Variants in OPCML observed in about 807,000 individuals in gnomAD.
OPCML encodes the protein opioid binding protein/cell adhesion molecule like.
Under a neutral mutation model 37.8 loss-of-function variants are expected in OPCML, and 13 were observed. That is an observed-to-expected ratio of 0.34 (90% CI 0.22 to 0.55). OPCML has a LOEUF of 0.55. Among genes scored for constraint, OPCML ranks in the 20% least tolerant of loss-of-function variants. The pLI is 0.91. For missense variants in OPCML, 341 were observed against 435.6 expected, an observed-to-expected ratio of 0.78 and a Z score of 1.93; for synonymous variants, 176 against 168.8, an observed-to-expected ratio of 1.04 and a Z score of -0.33.
At chr11:133,221,422 T>C (rs757174115) in intron 1 of OPCML, among the ~76,000 whole-genome samples, 1 of 152,226 alleles carries the variant, frequency 6.6e-6, no homozygotes, top group Non-Finnish European at 1.5e-5. Context: ...CAGTTTCCTC[T>C]TTCGTAACGT....
At chr11:132,586,941 G>T (rs1056006958) in intron 3 of OPCML, among the ~76,000 whole-genome samples, 2 of 152,186 alleles carry the variant, frequency 1.3e-5, no homozygotes, top group Admixed American at 1.3e-4. Flanking sequence ...CCCTCTGCAG[G>T]CTCTGGAGGC....
chr11:133,001,265 C>G (rs555346070), intron 1 of OPCML, among the ~76,000 whole-genome samples: 6 of 152,154 alleles, frequency 3.9e-5, no homozygotes, highest in Non-Finnish European at 7.3e-5. Flanking sequence ...TACCCACATG[C>G]CTACATGCAT....
At chr11:133,009,069 C>T (rs1591906654) in intron 1 of OPCML, 1 of 985,338 alleles carries the variant, frequency 1.0e-6, no homozygotes, top group Non-Finnish European at 1.2e-6. Flanking sequence ...TTACTTAAGT[C>T]TACATGTATG....
chr11:132,712,934 G>A (rs1430465309), intron 2 of OPCML, among the ~76,000 whole-genome samples: 1 of 152,210 alleles, frequency 6.6e-6, no homozygotes, highest in Non-Finnish European at 1.5e-5. Context: ...ACTGGAGCAG[G>A]CGATGCTCAG....
At chr11:133,012,839 C>G (rs921407911) in intron 1 of OPCML, among the ~76,000 whole-genome samples, 2 of 139,768 alleles carry the variant, frequency 1.4e-5, no homozygotes, top group South Asian at 4.4e-4. Flanking sequence ...CATTGCACTC[C>G]AGCCTAGGCA....
chr11:132,626,812 TTCTCTCTCTCTCTCTCTC>T (rs375135656), intron 3 of OPCML, among the ~76,000 whole-genome samples: 52 of 147,218 alleles, frequency 3.5e-4, no homozygotes, highest in Non-Finnish European at 6.3e-4. Flanking sequence ...AAAGGGAAGT[TTCTCTCTCTCTCTCTCTC>T]TCTCTCTCTC....
intron 1 of OPCML, among the ~76,000 whole-genome samples, chr11:133,132,309 C>T (rs1949617604): frequency 6.6e-6 from 1 of 152,254 alleles, no homozygotes; most frequent in East Asian, 1.9e-4. Context: ...CAGGGAAATG[C>T]AAATTAAGAC....
At chr11:132,462,270 C>G (rs2096104988) in intron 4 of OPCML, among the ~76,000 whole-genome samples, 2 of 152,148 alleles carry the variant, frequency 1.3e-5, no homozygotes, top group Admixed American at 1.3e-4. Context: ...ATTCAGTGTT[C>G]TGTGTTGACT....
At chr11:133,097,342 T>C (rs2137064417) in intron 1 of OPCML, among the ~76,000 whole-genome samples, 1 of 152,266 alleles carries the variant, frequency 6.6e-6, no homozygotes, top group Middle Eastern at 3.4e-3. Flanking sequence ...TTAAAGTATT[T>C]TGAAATAAAC....
At chr11:132,804,365 A>G (rs1354662424) in intron 2 of OPCML, among the ~76,000 whole-genome samples, 1 of 152,188 alleles carries the variant, frequency 6.6e-6, no homozygotes, top group East Asian at 1.9e-4. Context: ...AAGGTGGCAA[A>G]CTAGAGAGGA....
At chr11:133,159,803 C>G (rs1565479206) in intron 1 of OPCML, among the ~76,000 whole-genome samples, 1 of 152,224 alleles carries the variant, frequency 6.6e-6, no homozygotes, top group Non-Finnish European at 1.5e-5. Flanking sequence ...CCACCCTGAC[C>G]TATTCCAGCA....
At chr11:132,776,769 C>T (rs1251308772) in intron 2 of OPCML, among the ~76,000 whole-genome samples, 2 of 152,034 alleles carry the variant, frequency 1.3e-5, no homozygotes, top group Non-Finnish European at 2.9e-5. Flanking sequence ...TTTACAGAGA[C>T]ACAAGAATGG....
At chr11:133,062,797 G>A (rs1030370382) in intron 1 of OPCML, among the ~76,000 whole-genome samples, 1 of 152,190 alleles carries the variant, frequency 6.6e-6, no homozygotes, top group Non-Finnish European at 1.5e-5. Context: ...CTGATCACTG[G>A]ACCCAAGCAT....
At chr11:133,175,582 T>C (rs1950359575) in intron 1 of OPCML, among the ~76,000 whole-genome samples, 1 of 150,922 alleles carries the variant, frequency 6.6e-6, no homozygotes. Flanking sequence ...ACACATTTAA[T>C]TAGGAAACTT....
intron 3 of OPCML, among the ~76,000 whole-genome samples, chr11:132,619,791 G>A (rs1350633254): frequency 6.8e-6 from 1 of 148,064 alleles, no homozygotes; most frequent in African/African-American, 2.5e-5. Flanking sequence ...GGCGGAGCTT[G>A]CAGCGAGCGG....
At chr11:133,499,885 T>G (rs1947874987) in intron 1 of OPCML, among the ~76,000 whole-genome samples, 1 of 145,498 alleles carries the variant, frequency 6.9e-6, no homozygotes, top group South Asian at 2.1e-4. Context: ...TTTTTTTTTT[T>G]TTTTGAAAGG....
intron 2 of OPCML, among the ~76,000 whole-genome samples, chr11:132,747,437 T>G (rs1344781423): frequency 1.3e-5 from 2 of 152,320 alleles, no homozygotes; most frequent in South Asian, 2.1e-4. Flanking sequence ...CTGGAAGACC[T>G]TAAAGTTGGC....
intron 1 of OPCML, among the ~76,000 whole-genome samples, chr11:133,277,235 C>T (rs891211334): frequency 5.9e-5 from 9 of 152,308 alleles, no homozygotes; most frequent in Non-Finnish European, 1.2e-4. Flanking sequence ...CTAACTCAGA[C>T]AGCACAGATG....
intron 2 of OPCML, among the ~76,000 whole-genome samples, chr11:132,702,966 T>C (rs1943887987): frequency 6.6e-6 from 1 of 152,182 alleles, no homozygotes; most frequent in African/African-American, 2.4e-5. Context: ...TTTCCTAATT[T>C]TGTTTGGTTC....
Sources: gnomAD v4.1 joint callset for allele counts (sites outside exome capture counted in the v4.1 genomes callset) on GRCh38, gnomAD v4.1.1 for gene constraint, MANE v1.5 for transcripts, NCBI Gene and HGNC (gene_info 2026-07-23, HGNC 2026-07-21) for gene names.